Variants in ARHGAP40 observed in about 807,000 individuals in gnomAD.
ARHGAP40 encodes the protein Rho GTPase activating protein 40, also known as rho GTPase-activating protein 40.
ARHGAP40 carries 43 observed loss-of-function variants against 73.5 expected under a neutral mutation model. The ratio of observed to expected loss-of-function variants is 0.58; its 90% CI spans 0.46 to 0.75. The LOEUF (loss-of-function observed/expected upper bound fraction) is 0.75. Ranked by LOEUF, ARHGAP40 falls within the 30% of genes least tolerant of loss-of-function variation. The pLI, the probability that ARHGAP40 is intolerant of heterozygous loss-of-function variation, is 0.00. For synonymous variants in ARHGAP40, 300 were observed against 352.8 expected (o/e 0.85, Z 1.68); for missense variants, 734 against 861.8 (o/e 0.85, Z 1.86).
At chr20:38,643,435 A>G (rs1250568030) in intron 10 of ARHGAP40, among the ~76,000 whole-genome samples, 4 of 152,106 alleles carry the variant, frequency 2.6e-5, no homozygotes, top group Non-Finnish European at 5.9e-5. Context: ...TTCTACCTGG[A>G]AGTTGAAGTC....
At chr20:38,608,958 C>T (rs1458849217) in intron 1 of ARHGAP40, among the ~76,000 whole-genome samples, 3 of 152,150 alleles carry the variant, frequency 2.0e-5, no homozygotes, top group Admixed American at 6.6e-5. Flanking sequence ...CTCATGCTAC[C>T]ATCTCTCTGG....
intron 6 of ARHGAP40, among the ~76,000 whole-genome samples, chr20:38,636,189 G>A (rs185977657): frequency 1.3e-5 from 2 of 152,234 alleles, no homozygotes; most frequent in Admixed American, 6.5e-5. Context: ...ACAAAGAGGG[G>A]TAATGAATTT....
At chr20:38,609,155 G>C (rs11905794) in intron 1 of ARHGAP40, among the ~76,000 whole-genome samples, 216 of 152,196 alleles carry the variant, frequency 1.4e-3, no homozygotes, top group African/African-American at 5.1e-3. Context: ...GTGGGTAGTG[G>C]GGGGGTTATT....
Position 38,646,003 on chromosome 20 carries a change from C to G in ARHGAP40, c.1570-44C>G. ...TGGAGAGGGCTCTGCCTCTCGCCCC[C>G]AGAAGTCCTATCCCCCTGCCAAAAC... On this transcript the variant is annotated intron_variant, in intron 11 of 14. Coordinates refer to ENST00000373345, the Ensembl canonical transcript of ARHGAP40. The surrounding 1 kb of genome is among the most constrained non-coding windows in gnomAD (Gnocchi z 4.5). 1 of 1,261,946 alleles carries G rather than the reference C, an allele frequency of 7.9e-7. No homozygotes were observed. The highest frequency in any genetic ancestry group is 1.0e-6 in the Non-Finnish European group (1 of 963,584). 78.2% of individuals were successfully genotyped at this position (1,261,946 alleles called of 1,614,324 possible).
At chr20:38,649,688 G>T in intron 14 of ARHGAP40, 69 bp from the exon 15 acceptor site, 1 of 982,220 alleles carries the variant, frequency 1.0e-6, no homozygotes, top group South Asian at 1.4e-5. Flanking sequence ...CCTGGTGAAG[G>T]GCTCTGTGCA....
chr20:38,610,217 A>G (rs994608546), intron 1 of ARHGAP40, among the ~76,000 whole-genome samples: 6 of 152,192 alleles, frequency 3.9e-5, no homozygotes, highest in African/African-American at 1.4e-4. Context: ...CACAACTTAC[A>G]TAAGATTTTA....
chr20:38,623,326 C>G (rs2088882761), intron 1 of ARHGAP40, 33 bp from the exon 2 acceptor site: 2 of 1,252,890 alleles, frequency 1.6e-6, no homozygotes, highest in Non-Finnish European at 2.1e-6. Flanking sequence ...CAGAGACTTG[C>G]TGACCTCCCT....
intron 1 of ARHGAP40, among the ~76,000 whole-genome samples, chr20:38,604,285 C>T (rs566677785): frequency 6.6e-6 from 1 of 152,166 alleles, no homozygotes; most frequent in South Asian, 2.1e-4. Context: ...TTAATAGCTA[C>T]TGGTTGAATG....
chr20:38,630,273 G>A (rs2088930902), intron 5 of ARHGAP40, among the ~76,000 whole-genome samples: 1 of 149,946 alleles, frequency 6.7e-6, no homozygotes, highest in Non-Finnish European at 1.5e-5. Flanking sequence ...AGGCGGGAGT[G>A]CAGTGGTACC....
chr20:38,628,413 T>TCCTGCCTCAG (rs1391422369), intron 3 of ARHGAP40, among the ~76,000 whole-genome samples: 6 of 152,090 alleles, frequency 3.9e-5, no homozygotes, highest in African/African-American at 1.4e-4. Context: ...CACGCCGTTC[T>TCCTGCCTCAG]CCTGCCTCAG....
intron 1 of ARHGAP40, among the ~76,000 whole-genome samples, chr20:38,621,391 G>A (rs2088872530): frequency 6.6e-6 from 1 of 152,190 alleles, no homozygotes; most frequent in Non-Finnish European, 1.5e-5. Context: ...TCCATCAAAA[G>A]GAAATGGGGA....
chr20:38,602,139 G>A, intron 1 of ARHGAP40, 60 bp downstream of exon 1: 1 of 1,234,466 alleles, frequency 8.1e-7, no homozygotes. Flanking sequence ...GGGCATGTGC[G>A]GTCTGTCTTC....
At chr20:38,602,591 C>T (rs2088741867) in intron 1 of ARHGAP40, among the ~76,000 whole-genome samples, 1 of 152,152 alleles carries the variant, frequency 6.6e-6, no homozygotes, top group African/African-American at 2.4e-5. Flanking sequence ...CATCATATTA[C>T]AATTTGATTA....
chr20:38,618,906 C>A (rs982197888), intron 1 of ARHGAP40, among the ~76,000 whole-genome samples: 2 of 152,176 alleles, frequency 1.3e-5, no homozygotes, highest in Admixed American at 6.5e-5. Flanking sequence ...ATAGGCCCCA[C>A]CTCCCCATGG....
intron 1 of ARHGAP40, among the ~76,000 whole-genome samples, chr20:38,614,189 G>A (rs1277978283): frequency 1.3e-5 from 2 of 152,104 alleles, no homozygotes; most frequent in Non-Finnish European, 2.9e-5. Context: ...GAGTGATATG[G>A]GTAGGCATGA....
At chr20:38,601,855 T>C in exon 1 of ARHGAP40, 2 of 1,269,858 alleles carry the variant, frequency 1.6e-6, no homozygotes, top group South Asian at 1.3e-5. Context: ...ACGGGGGCCC[T>C]ACCTCACTCC....
intron 8 of ARHGAP40, 117 bp from the exon 9 acceptor site, chr20:38,639,110 G>C (rs2088996615): frequency 7.4e-6 from 8 of 1,075,366 alleles, no homozygotes; most frequent in South Asian, 7.3e-5. Context: ...CCCCACGAGG[G>C]AGGTGCTCTT....
intron 1 of ARHGAP40, among the ~76,000 whole-genome samples, chr20:38,618,652 T>C (rs1261084504): frequency 6.6e-6 from 1 of 152,094 alleles, no homozygotes; most frequent in Non-Finnish European, 1.5e-5. Context: ...GTCTGACACC[T>C]ACACTCAAAT....
At chr20:38,650,332 T>G (rs1363196087) in exon 15 of ARHGAP40, 6 of 471,128 alleles carry the variant, frequency 1.3e-5, no homozygotes, top group Non-Finnish European at 2.2e-5. Flanking sequence ...TTGGGGTCTT[T>G]TCCCCCCAGG....
Sources: gnomAD v4.1 joint callset for allele counts (sites outside exome capture counted in the v4.1 genomes callset) on GRCh38, gnomAD v4.1.1 for gene constraint, Gnocchi (gnomAD v3.1) non-coding constraint, MANE v1.5 for transcripts, NCBI Gene and HGNC (gene_info 2026-07-23, HGNC 2026-07-21) for gene names.